The following ANKRD18B variants were observed in gnomAD, a reference collection of about 807,000 sequenced individuals.
ANKRD18B encodes ankyrin repeat domain-containing protein 18B.
Under a neutral mutation model 111.8 loss-of-function variants are expected in ANKRD18B, and 75 were observed. The ratio of observed to expected loss-of-function variants is 0.67; its 90% CI spans 0.56 to 0.81. The LOEUF (loss-of-function observed/expected upper bound fraction) is 0.81, where lower values mean the gene tolerates loss of function less well. ANKRD18B is among the 40% of genes least tolerant of loss of function. The probability of loss-of-function intolerance (pLI) is 0.00; values close to 1 mark genes in which losing one functional copy is unlikely to be tolerated. For synonymous variants in ANKRD18B, 356 were observed against 417.3 expected, an observed-to-expected ratio of 0.85 and a Z score of 1.79; for missense variants, 1,038 against 1,225.5, an observed-to-expected ratio of 0.85 and a Z score of 2.28.
At chr9:33,524,775 T>C in intron 1 of ANKRD18B, 80 bp downstream of exon 1, 1 of 1,475,882 alleles carries the variant, frequency 6.8e-7, no homozygotes. Flanking sequence ...GTCGTCGGAG[T>C]TCGCCGGGAC....
Position 33,524,653 on chromosome 9 carries a change from C to A in ANKRD18B, c.164C>A (p.Thr55Lys). 6.4e-7 allele frequency: 1 copy of A among 1,551,198 alleles called. No individual in the cohort carries two copies. Among genetic ancestry groups the A allele is most frequent in the Non-Finnish European group, 8.7e-7 (1 of 1,146,796 alleles). The change falls in exon 1 of 19, where the codon ACG becomes AAG. Residue 55 changes from threonine to lysine, a missense_variant. Thr to Lys is a moderately conservative substitution (Grantham distance 78). Coordinates refer to ENST00000684830, the MANE Select transcript of ANKRD18B (RefSeq NM_001393611.1). ...GCCGCAGAGGTGGAGCACTGCCTGA[C>A]GCGCAGGTTCCGGGACTTGGACGTC... ...GDAAEVEHCL[T>K]RRFRDLDVRD...
chr9:33,571,230 T>C lies in ANKRD18B; in HGVS notation c.3178-16T>C. On this transcript the variant is annotated splice_polypyrimidine_tract_variant and intron_variant, in intron 17 of 18. Transcript: ENST00000684830. ...AACTTAAACATTATTATTATTTTTT[T>C]TTTTACTTATTTTAGATGGAGCTGG... 1 of 987,078 alleles carries C rather than the reference T, an allele frequency of 1.0e-6. No homozygotes were observed. The highest frequency in any genetic ancestry group is 1.3e-6 in the Non-Finnish European group (1 of 795,990). The allele number at this position is 987,078 out of a possible 1,614,324, so 61.1% of individuals were successfully genotyped here. A position where few individuals can be genotyped will look rare whatever the true frequency, so the allele number is the denominator to read the frequency against.
intron 9 of ANKRD18B, among the ~76,000 whole-genome samples, chr9:33,541,519 G>A (rs759316871): frequency 6.6e-6 from 1 of 152,148 alleles, no homozygotes; most frequent in South Asian, 2.1e-4. Flanking sequence ...GGGCAACATC[G>A]CCAGACCTCG....
chr9:33,541,355 T>G, intron 9 of ANKRD18B, 128 bp downstream of exon 9: 1 of 1,307,374 alleles, frequency 7.6e-7, no homozygotes, highest in Non-Finnish European at 1.0e-6. Context: ...TATTACAAGG[T>G]TTTCACCCAT....
chr9:33,548,553 A>G lies in ANKRD18B; in HGVS notation c.1765A>G (p.Ile589Val), dbSNP rs977060933. 2 of 1,550,988 alleles carry G rather than the reference A, an allele frequency of 1.3e-6. No individual in the cohort carries two copies. Among genetic ancestry groups the G allele is most frequent in the African/African-American group, 1.4e-5 (1 of 72,964 alleles). The change falls in exon 11 of 19, where the codon ATA becomes GTA. Residue 589 changes from isoleucine (I) to valine (V), a missense_variant. Physicochemically the swap from Ile to Val is conservative, Grantham distance 29. This residue lies in a region of ANKRD18B where 524 missense variants were observed against 677.9 expected (regional missense o/e 0.77). Transcript: ENST00000684830. The part of the protein sequence containing the change: ...QLDLKQAQHR[I>V]KEMKQMHPNG... ...GGACCTAAAGCAAGCGCAGCATCGA[A>G]TAAAGGAAATGAAGCAGATGCATCC...
chr9:33,567,137 TAAAC>T lies in ANKRD18B; in HGVS notation c.2780_2783del (p.Asn927ArgfsTer7), dbSNP rs1828698091. ...GAATATGAAAAACAATTAGAGCAGT[TAAAC>T]AAGGATAATACGGCTTCACTAAAAA... On this transcript the variant is annotated frameshift_variant, in exon 16 of 19. Transcript: ENST00000684830. LOFTEE classifies it high-confidence loss of function. The T allele has an allele frequency of 6.5e-7, 1 of 1,541,270 alleles. No individual in the cohort carries two copies. The highest frequency in any genetic ancestry group is 8.7e-7 in the Non-Finnish European group (1 of 1,144,488).
Position 33,541,228 on chromosome 9 carries a change from G to A in ANKRD18B, c.1078+1G>A, listed in dbSNP as rs1484908421. On this transcript the variant is annotated splice_donor_variant, in intron 9 of 18. Coordinates refer to ENST00000684830, the MANE Select transcript of ANKRD18B (RefSeq NM_001393611.1). LOFTEE classifies it high-confidence loss of function. ...AAAAAAAGAAAAGAAGGTGCAAAAGGTAAGACACTTGAGTATCTCTACTCT... is the reference window on the plus strand; with the variant it reads ...AAAAAAAGAAAAGAAGGTGCAAAAGATAAGACACTTGAGTATCTCTACTCT... The A allele has an allele frequency of 3.2e-6, 5 of 1,543,848 alleles. No homozygotes were observed. The African/African-American group carries it at 5.5e-5, about 17-fold the overall frequency.
At chr9:33,552,282 T>G (rs1828457841) in intron 12 of ANKRD18B, among the ~76,000 whole-genome samples, 1 of 152,218 alleles carries the variant, frequency 6.6e-6, no homozygotes, top group African/African-American at 2.4e-5. Flanking sequence ...GAATCTAAAT[T>G]TGCCTTCCTT....
chr9:33,527,849 T>C (rs1563897894), intron 1 of ANKRD18B, among the ~76,000 whole-genome samples: 1 of 152,228 alleles, frequency 6.6e-6, no homozygotes. Flanking sequence ...GATTTTTAAA[T>C]GCTACCAATT....
intron 3 of ANKRD18B, among the ~76,000 whole-genome samples, chr9:33,530,903 G>T (rs1828105152): frequency 6.6e-6 from 1 of 152,100 alleles, no homozygotes; most frequent in Admixed American, 6.5e-5. Context: ...ATGTTCCTTT[G>T]TCACCATTCA....
At position 33,548,743 on chromosome 9, in the gene ANKRD18B, T is replaced by G. The variant is rs1021560333; in HGVS notation, c.1955T>G (p.Leu652Arg). 1.5e-5 allele frequency: 23 copies of G among 1,550,390 alleles called. No homozygotes were observed. Among genetic ancestry groups the G allele is most frequent in the Non-Finnish European group, 1.9e-5 (22 of 1,146,428 alleles). ...GTCATTAATATCCACAGAGACTGTC[T>G]TGAGAATGGAAAGGAAGATCTTCTA... ...EIVINIHRDC[L>R]ENGKEDLLEE... The change falls in exon 11 of 19, where the codon CTT (leucine) becomes CGT (arginine). Residue 652 changes from leucine to arginine, a missense_variant. Coordinates refer to ENST00000684830, the MANE Select transcript of ANKRD18B (RefSeq NM_001393611.1).
At chr9:33,565,317 C>T (rs1828668735) in intron 14 of ANKRD18B, among the ~76,000 whole-genome samples, 1 of 152,134 alleles carries the variant, frequency 6.6e-6, no homozygotes, top group Non-Finnish European at 1.5e-5. Flanking sequence ...AATAAGTTGG[C>T]TGTAAATATG....
intron 9 of ANKRD18B, 53 bp from the exon 10 acceptor site, chr9:33,543,132 G>A (rs761039828): frequency 7.0e-7 from 1 of 1,431,000 alleles, no homozygotes; most frequent in South Asian, 1.3e-5. Context: ...TTTTTATAAA[G>A]ATTATAGTTT....
chr9:33,572,509 A>T lies in ANKRD18B; in HGVS notation c.*75A>T, dbSNP rs1372904317. 25 of 1,387,816 alleles carry T rather than the reference A, an allele frequency of 1.8e-5. No individual in the cohort carries two copies. Among genetic ancestry groups the T allele is most frequent in the Non-Finnish European group, 1.0e-5 (11 of 1,056,890 alleles). 86.0% of individuals were successfully genotyped at this position (1,387,816 alleles called of 1,614,324 possible). A position where few individuals can be genotyped will look rare whatever the true frequency, so the allele number is the denominator to read the frequency against. The stretch of plus-strand genomic sequence containing the variant: ...TTCTCATAAAATATAAAACATCACA[A>T]TCTTTACTAAAGTAGAATATTTTCA... On this transcript the variant is annotated 3_prime_UTR_variant, in exon 19 of 19. Coordinates refer to ENST00000684830, the MANE Select transcript of ANKRD18B (RefSeq NM_001393611.1).
In ANKRD18B at chr9:33,524,484, G is replaced by A; in HGVS notation, c.-6G>A. The stretch of plus-strand genomic sequence containing the variant: ...GCGGGTGGTGGGCATCTGAGAAGTC[G>A]CCACCATGAGGAAGCTCCTCAGTTT... On this transcript the variant is annotated 5_prime_UTR_variant, in exon 1 of 19. Coordinates refer to ENST00000684830, the MANE Select transcript of ANKRD18B (RefSeq NM_001393611.1). 6.5e-7 allele frequency: 1 copy of A among 1,542,624 alleles called. No individual in the cohort carries two copies. Among genetic ancestry groups the A allele is most frequent in the East Asian group, 2.5e-5 (1 of 40,412 alleles).
At position 33,567,323 on chromosome 9, in the gene ANKRD18B, A is replaced by G; in HGVS notation, c.2954+9A>G. On this transcript the variant is annotated intron_variant, in intron 16 of 18. Coordinates refer to ENST00000684830, the MANE Select transcript of ANKRD18B (RefSeq NM_001393611.1). ...TCAGAAAAAATAACGAAGTAAGTCA[A>G]AACATATACTCATAGAAAATGAATT... is the stretch of plus-strand genomic sequence containing the variant. The G allele has an allele frequency of 6.5e-7, 1 of 1,533,478 alleles. No homozygotes were observed. The highest frequency in any genetic ancestry group is 1.3e-5 in the South Asian group (1 of 79,364). 95.0% of individuals were successfully genotyped at this position (1,533,478 alleles called of 1,614,324 possible). A position where few individuals can be genotyped will look rare whatever the true frequency, so the allele number is the denominator to read the frequency against.
rs559234794 is a variant in ANKRD18B, at chr9:33,550,736, C to A, written c.2217+157C>A. On this transcript the variant is annotated intron_variant, in intron 12 of 18. Transcript: ENST00000684830. ...TTATTATCTTTATAACGTACTTCTTCAACTCTGGCTCTTGTTCTGCCATTT... is the reference window on the plus strand; with the variant it reads ...TTATTATCTTTATAACGTACTTCTTAAACTCTGGCTCTTGTTCTGCCATTT... Among the ~76,000 whole-genome samples, 8 of 152,248 alleles carry A rather than the reference C, an allele frequency of 5.3e-5. 1 individual carries two copies. The highest frequency in any genetic ancestry group is 1.9e-4 in the African/African-American group (8 of 41,558).
At chr9:33,552,509 A>T (rs192475369) in intron 12 of ANKRD18B, among the ~76,000 whole-genome samples, 1,842 of 152,316 alleles carry the variant, frequency 0.012, 15 homozygotes, top group Non-Finnish European at 0.02. Flanking sequence ...TCCGTGGCTC[A>T]GCCTGTCTCT....
intron 13 of ANKRD18B, among the ~76,000 whole-genome samples, chr9:33,557,046 A>T (rs1277657871): frequency 2.0e-5 from 3 of 152,084 alleles, no homozygotes; most frequent in African/African-American, 7.2e-5. Flanking sequence ...TTTACTGAGC[A>T]CTTAAGTTGG....
Sources: allele counts gnomAD v4.1 joint callset (sites outside exome capture counted in the v4.1 genomes callset), GRCh38; gene constraint gnomAD v4.1.1; regional missense constraint gnomAD v4.1.1; transcripts MANE v1.5; gene names NCBI Gene and HGNC (gene_info 2026-07-23, HGNC 2026-07-21).